Variants in TNRC18 observed in about 807,000 individuals in gnomAD.
TNRC18 encodes the protein trinucleotide repeat-containing gene 18 protein.
In TNRC18, 69 loss-of-function variants were observed where a neutral mutation model predicts 226.7. The observed-to-expected ratio is 0.30, with a 90% CI of 0.25 to 0.37. The LOEUF (loss-of-function observed/expected upper bound fraction) is 0.37, where lower values mean the gene tolerates loss of function less well. TNRC18 is among the 10% of genes least tolerant of loss of function. TNRC18 has a pLI of 1.00. For missense variants in TNRC18, 4,754 were observed against 4,256.6 expected (o/e 1.12, Z -3.25); for synonymous variants, 2,449 against 1,927.6 (o/e 1.27, Z -7.09).
chr7:5,325,274 G>A, intron 19 of TNRC18, 26 bp from the exon 20 acceptor site: 1 of 1,543,336 alleles, frequency 6.5e-7, no homozygotes, highest in Non-Finnish European at 8.7e-7. Flanking sequence ...GCAGAGAGGA[G>A]CCATCAAACG....
At chr7:5,353,533 C>G (rs898342436) in intron 16 of TNRC18, among the ~76,000 whole-genome samples, 4 of 142,646 alleles carry the variant, frequency 2.8e-5, no homozygotes, top group Non-Finnish European at 6.0e-5. Flanking sequence ...GCACTCCAGC[C>G]TGGGCGACAG....
chr7:5,307,938 G>A lies in TNRC18; in HGVS notation c.*168C>T. The A allele has an allele frequency of 3.1e-6, 2 of 637,268 alleles. No individual in the cohort carries two copies. The highest frequency in any genetic ancestry group is 2.7e-5 in the East Asian group (1 of 36,408). The allele number at this position is 637,268 out of a possible 1,614,324, so 39.5% of individuals were successfully genotyped here. On this transcript the variant is annotated 3_prime_UTR_variant, in exon 30 of 30. Coordinates refer to ENST00000430969, the MANE Select transcript of TNRC18 (RefSeq NM_001080495.3). ...CATGTGCACATGCGTGCACACACGT[G>A]CATGCACACACACTCACCCGGGCAT...
intron 9 of TNRC18, among the ~76,000 whole-genome samples, chr7:5,375,416 G>A (rs1364583541): frequency 6.6e-6 from 1 of 152,214 alleles, no homozygotes; most frequent in Non-Finnish European, 1.5e-5. Flanking sequence ...CCAAGGACTA[G>A]GCAACGCTAG....
In TNRC18 at chr7:5,323,566, C is replaced by G. The variant is rs957392807; in HGVS notation, c.6442+648G>C. On this transcript the variant is annotated intron_variant, in intron 21 of 29. Coordinates refer to ENST00000430969, the MANE Select transcript of TNRC18 (RefSeq NM_001080495.3). ...CACTCGTTCTCTGTGCAGCACCAGA[C>G]AGTTTTTTTTTTTTTGAGACACAGT... 1.3e-4 allele frequency among the ~76,000 whole-genome samples: 4 copies of G among 30,406 alleles called. No homozygotes were observed. In the Admixed American group the frequency reaches 1.5e-3, roughly 11 times the overall value. 19.9% of individuals were successfully genotyped at this position (30,406 alleles called of 152,430 possible).
In TNRC18 at chr7:5,423,655, C is replaced by G. The variant is rs1782700271; in HGVS notation, c.-458G>C. The stretch of plus-strand genomic sequence containing the variant: ...AGCGCTCGGCGCGCCAACTCCTCCG[C>G]CCTCCCGCGGCCCGGCTCCCGCAGC... On this transcript the variant is annotated 5_prime_UTR_variant, in exon 1 of 30. Transcript: ENST00000430969. 2 of 152,030 alleles carry G rather than the reference C, an allele frequency of 1.3e-5. No individual in the cohort carries two copies. 9.4% of individuals were successfully genotyped at this position (152,030 alleles called of 1,614,324 possible).
intron 17 of TNRC18, among the ~76,000 whole-genome samples, chr7:5,351,034 C>T (rs1487136886): frequency 6.6e-6 from 1 of 152,100 alleles, no homozygotes; most frequent in African/African-American, 2.4e-5. Flanking sequence ...AAATAAAAGA[C>T]AAAACAAGCA....
Position 5,362,653 on chromosome 7 carries a change from C to T in TNRC18, c.4392G>A (p.Glu1464=), listed in dbSNP as rs1480435452. 1.9e-6 allele frequency: 3 copies of T among 1,567,500 alleles called. No homozygotes were observed. Among genetic ancestry groups the T allele is most frequent in the African/African-American group, 2.7e-5 (2 of 73,758 alleles). ...GAGGAAGCAGCCAGCCGCTCACCCG[C>T]TCCTCCTTCTTGCGCATCCAGCTGT... ...KKYSWMRKKE[E]RMYAMKSSLE... is the part of the protein sequence containing the mutation. The change falls in exon 12 of 30, where the codon GAG becomes GAA. Residue 1464 remains glutamate, a synonymous_variant. Transcript: ENST00000430969.
chr7:5,312,929 A>AGAGGAGGAGGAG lies in TNRC18; in HGVS notation c.7950_7961dup (p.Ser2668_Ser2671dup). ...AGGAGGAGGAGGATGAGGACGAGGA[A>AGAGGAGGAGGAG]GAGGAGGAGGAGGAAGAGGAGGAAG... On this transcript the variant is annotated inframe_insertion, in exon 27 of 30. Coordinates refer to ENST00000430969, the MANE Select transcript of TNRC18 (RefSeq NM_001080495.3). The surrounding 1 kb of genome is among the most constrained non-coding windows in gnomAD (Gnocchi z 6.3). 1.4e-6 allele frequency: 2 copies of AGAGGAGGAGGAG among 1,422,536 alleles called. No homozygotes were observed. Among genetic ancestry groups the AGAGGAGGAGGAG allele is most frequent in the South Asian group, 2.8e-5 (2 of 72,656 alleles). The allele number at this position is 1,422,536 out of a possible 1,614,324, so 88.1% of individuals were successfully genotyped here.
chr7:5,418,641 C>T (rs1260573595), intron 2 of TNRC18, among the ~76,000 whole-genome samples: 2 of 152,172 alleles, frequency 1.3e-5, no homozygotes, highest in African/African-American at 2.4e-5. Flanking sequence ...CAGGACTTCC[C>T]GGTACAAAAA....
rs374868166 is a variant in TNRC18 at position 5,356,825 on chromosome 7, A to T, written c.5194+91T>A. On this transcript the variant is annotated intron_variant, in intron 16 of 29. Coordinates refer to ENST00000430969, the MANE Select transcript of TNRC18 (RefSeq NM_001080495.3). ...GAGAGCGAGAGCGAGAGAGAGAGTG[A>T]GGGGCGGGGGGGGAAGGAGGACGGT... 9.6e-5 allele frequency: 104 copies of T among 1,086,760 alleles called. No homozygotes were observed. In the Middle Eastern group the frequency reaches 1.6e-3, roughly 17 times the overall value. The allele number at this position is 1,086,760 out of a possible 1,614,324, so 67.3% of individuals were successfully genotyped here.
At position 5,388,844 on chromosome 7, in the gene TNRC18, C is replaced by T. The variant is rs962031880; in HGVS notation, c.980G>A (p.Gly327Glu). ...CAGCGGTGAGGGGCAGGGGCGCGGC[C>T]CAGGGAGCAGGGTCTCCGTGCGCCG... ...LLRRTETLLP[G>E]PRPCPSPLPP... The change falls in exon 5 of 30, where the codon GGG (glycine) becomes GAG (glutamate). Residue 327 changes from glycine to glutamate, a missense_variant. Gly to Glu is a moderately conservative substitution (Grantham distance 98). Coordinates refer to ENST00000430969, the MANE Select transcript of TNRC18 (RefSeq NM_001080495.3). The T allele has an allele frequency of 4.9e-6, 6 of 1,236,822 alleles. No homozygotes were observed. The highest frequency in any genetic ancestry group is 2.1e-5 in the South Asian group (1 of 48,006). The allele number at this position is 1,236,822 out of a possible 1,614,324, so 76.6% of individuals were successfully genotyped here.
chr7:5,323,778 G>A (rs1341429433), intron 21 of TNRC18, among the ~76,000 whole-genome samples: 3 of 152,004 alleles, frequency 2.0e-5, no homozygotes, highest in Non-Finnish European at 2.9e-5. Flanking sequence ...ATGTTGGCCA[G>A]GCTGGTCTGG....
chr7:5,371,389 T>A, intron 10 of TNRC18, 25 bp from the exon 11 acceptor site: 2 of 1,491,696 alleles, frequency 1.3e-6, no homozygotes, highest in Non-Finnish European at 1.8e-6. Flanking sequence ...GGGGTCAGCA[T>A]GGGAGCCCTA....
At chr7:5,332,008 C>G (rs966312978) in intron 19 of TNRC18, among the ~76,000 whole-genome samples, 2 of 152,142 alleles carry the variant, frequency 1.3e-5, no homozygotes, top group Non-Finnish European at 2.9e-5. Flanking sequence ...TGTATAGGTA[C>G]CATATCACAG....
rs1451660845 is a variant in TNRC18 at position 5,324,926 on chromosome 7, CCTT to C, written c.6300+167_6300+169del. ...GACAGGAGCAGAGTCCCCAGTATCT[CCTT>C]ATCCCTGGAGTGTGGGGACGGCCAC... On this transcript the variant is annotated intron_variant, in intron 20 of 29. Coordinates refer to ENST00000430969, the MANE Select transcript of TNRC18 (RefSeq NM_001080495.3). The surrounding 1 kb of genome is among the most constrained non-coding windows in gnomAD (Gnocchi z 4.8). Among the ~76,000 whole-genome samples the C allele has an allele frequency of 2.0e-4, 31 of 152,306 alleles. No individual in the cohort carries two copies. The highest frequency in any genetic ancestry group is 7.2e-4 in the African/African-American group (30 of 41,572).
chr7:5,313,803 G>T lies in TNRC18; in HGVS notation c.7088C>A (p.Ala2363Asp). 9 of 1,522,624 alleles carry T rather than the reference G, an allele frequency of 5.9e-6. No homozygotes were observed. The highest frequency in any genetic ancestry group is 7.9e-6 in the Non-Finnish European group (9 of 1,135,670). 94.3% of individuals were successfully genotyped at this position (1,522,624 alleles called of 1,614,324 possible). The change falls in exon 27 of 30, where the codon GCC becomes GAC. Residue 2363 changes from alanine to aspartate, a missense_variant. Coordinates refer to ENST00000430969, the MANE Select transcript of TNRC18 (RefSeq NM_001080495.3). ...PTDEVPSTPL[A>D]LEPSSTPGSK... ...ACCTGGGGTGCTGCTCGGCTCCAGG[G>T]CTAAGGGGGTACTGGGGACCTCGTC...
intron 3 of TNRC18, among the ~76,000 whole-genome samples, chr7:5,391,237 TC>T (rs1780274109): frequency 1.3e-5 from 2 of 150,766 alleles, no homozygotes; most frequent in African/African-American, 2.4e-5. Context: ...CCAAGGATCC[TC>T]CCCGCCTCCC....
At position 5,377,431 on chromosome 7, in the gene TNRC18, T is replaced by G. The variant is rs764833848; in HGVS notation, c.2401A>C (p.Thr801Pro). The G allele has an allele frequency of 2.6e-5, 41 of 1,590,318 alleles. No individual in the cohort carries two copies. The highest frequency in any genetic ancestry group is 3.3e-5 in the Non-Finnish European group (39 of 1,169,486). ...WSADPAAHLA[T>P]HPWLPRSGNA... ...CCCGAGCGGGGCAACCAGGGGTGCG[T>G]GGCCAGATGGGCTGCGGGGTCGGCA... The change falls in exon 7 of 30, where the codon ACG (threonine) becomes CCG (proline). Residue 801 changes from threonine to proline, a missense_variant. Coordinates refer to ENST00000430969, the MANE Select transcript of TNRC18 (RefSeq NM_001080495.3). This position sits in a 1 kb window ranked among gnomAD's most constrained non-coding sequence, Gnocchi z 5.8.
Position 5,388,502 on chromosome 7 carries a change from G to A in TNRC18, c.1322C>T (p.Pro441Leu), listed in dbSNP as rs952140586. The A allele has an allele frequency of 1.5e-6, 2 of 1,334,854 alleles. No individual in the cohort carries two copies. The highest frequency in any genetic ancestry group is 1.6e-5 in the African/African-American group (1 of 63,582). 82.7% of individuals were successfully genotyped at this position (1,334,854 alleles called of 1,614,324 possible). The change falls in exon 5 of 30, where the codon CCC (proline) becomes CTC (leucine). Residue 441 changes from proline (P) to leucine (L), a missense_variant. Coordinates refer to ENST00000430969, the MANE Select transcript of TNRC18 (RefSeq NM_001080495.3). Reference sequence around the variant, plus strand: ...GGCCCGCACCGTGGGGGCATCCGCGGGGGGCGGCCGCTTGAGCGAGCGGAT... The same window carrying A: ...GGCCCGCACCGTGGGGGCATCCGCGAGGGGCGGCCGCTTGAGCGAGCGGAT... Reference protein sequence around the residue: ...SVIRSLKRPPPADAPTVRATR... With the variant: ...SVIRSLKRPPLADAPTVRATR...
Sources: allele counts gnomAD v4.1 joint callset (sites outside exome capture counted in the v4.1 genomes callset), GRCh38; gene constraint gnomAD v4.1.1; non-coding constraint Gnocchi (gnomAD v3.1); transcripts MANE v1.5; gene names NCBI Gene and HGNC (gene_info 2026-07-23, HGNC 2026-07-21).